Variants in IRAK1BP1 observed in about 807,000 individuals in gnomAD.
IRAK1BP1 encodes interleukin-1 receptor-associated kinase 1-binding protein 1.
In IRAK1BP1, 24 loss-of-function variants were observed where a neutral mutation model predicts 28.0. The ratio of observed to expected loss-of-function variants is 0.86; its 90% CI spans 0.62 to 1.20. The LOEUF is 1.20. IRAK1BP1 is among the 50% of genes most tolerant of loss of function. IRAK1BP1 has a pLI of 0.00. For synonymous variants in IRAK1BP1, 131 were observed against 116.3 expected, an observed-to-expected ratio of 1.13 and a Z score of -0.81; for missense variants, 336 against 316.7, an observed-to-expected ratio of 1.06 and a Z score of -0.46.
chr6:78,941,212 G>C, intron 4 of IRAK1BP1: 3 of 1,613,700 alleles, frequency 1.9e-6, no homozygotes, highest in Non-Finnish European at 2.5e-6. Context: ...CACCACTATT[G>C]GTATTAACTT....
chr6:78,935,852 T>G (rs1025752376), intron 4 of IRAK1BP1: 5 of 549,698 alleles, frequency 9.1e-6, no homozygotes, highest in Non-Finnish European at 1.2e-5. Context: ...TAATAAATCA[T>G]GAGGCTCTAC....
chr6:78,906,934 T>A (rs867378197), downstream of IRAK1BP1, among the ~76,000 whole-genome samples: 1 of 152,202 alleles, frequency 6.6e-6, no homozygotes, highest in Non-Finnish European at 1.5e-5. Context: ...TGAAAGATGG[T>A]GGCTATTTTT....
At chr6:78,885,240 G>C in intron 1 of IRAK1BP1, 138 bp from the exon 2 acceptor site, 1 of 531,914 alleles carries the variant, frequency 1.9e-6, no homozygotes, top group East Asian at 3.3e-5. Flanking sequence ...TTTTAGGAAA[G>C]TTTTAAAACA....
chr6:78,926,909 T>G (rs1215609220), intron 4 of IRAK1BP1, among the ~76,000 whole-genome samples: 2 of 152,158 alleles, frequency 1.3e-5, no homozygotes, highest in Admixed American at 1.3e-4. Context: ...TAGTACTCCA[T>G]TGTGTATATG....
chr6:78,868,130 A>T (rs930459196), intron 1 of IRAK1BP1, among the ~76,000 whole-genome samples: 1 of 152,198 alleles, frequency 6.6e-6, no homozygotes, highest in Non-Finnish European at 1.5e-5. Context: ...AAAGAATGCA[A>T]ATTGGGTAGG....
intron 1 of IRAK1BP1, among the ~76,000 whole-genome samples, chr6:78,873,795 C>T (rs1040125929): frequency 8.5e-5 from 13 of 152,168 alleles, no homozygotes; most frequent in Admixed American, 7.2e-4. Context: ...ACTAATATTT[C>T]CTGGTCTCTT....
intron 4 of IRAK1BP1, among the ~76,000 whole-genome samples, chr6:78,918,903 C>A (rs1772644510): frequency 6.6e-6 from 1 of 152,186 alleles, no homozygotes; most frequent in Admixed American, 6.5e-5. Flanking sequence ...GAATATAGTT[C>A]TTCTCATCTG....
At chr6:78,970,700 T>TA in the IRAK1BP1 span, 2 of 868,378 alleles carry the variant, frequency 2.3e-6, no homozygotes, top group East Asian at 2.5e-5. Flanking sequence ...CTTATTGTGT[T>TA]AATAGTAACC....
chr6:78,963,320 G>T, the IRAK1BP1 span: 1 of 1,259,370 alleles, frequency 7.9e-7, no homozygotes, highest in Non-Finnish European at 1.1e-6. Context: ...GCTTTAGAAT[G>T]TAAAAATAAC....
intron 4 of IRAK1BP1, among the ~76,000 whole-genome samples, chr6:78,930,428 G>A (rs1230490795): frequency 1.3e-5 from 2 of 152,024 alleles, no homozygotes; most frequent in African/African-American, 4.8e-5. Flanking sequence ...TAATAAAAGT[G>A]TTCATTTTTG....
chr6:78,961,705 T>C, the IRAK1BP1 span: 6 of 1,612,260 alleles, frequency 3.7e-6, no homozygotes, highest in African/African-American at 5.3e-5. Flanking sequence ...AAACCTGTTT[T>C]CCAGTCTTTG....
At chr6:78,873,413 AT>A (rs368542842) in intron 1 of IRAK1BP1, among the ~76,000 whole-genome samples, 1 of 150,820 alleles carries the variant, frequency 6.6e-6, no homozygotes, top group South Asian at 2.1e-4. Flanking sequence ...TTTTTTCTGT[AT>A]TTTTTTCTAC....
chr6:78,933,856 G>A (rs1266691498), intron 4 of IRAK1BP1, among the ~76,000 whole-genome samples: 1 of 152,076 alleles, frequency 6.6e-6, no homozygotes, highest in Non-Finnish European at 1.5e-5. Flanking sequence ...TCATTCATAT[G>A]TTCACTGAAG....
At chr6:78,963,128 A>G in the IRAK1BP1 span, 1 of 1,607,380 alleles carries the variant, frequency 6.2e-7, no homozygotes, top group African/African-American at 1.3e-5. Context: ...TTCCTGCCAC[A>G]ATTCTTTCAC....
chr6:78,883,265 T>A (rs961558230), intron 1 of IRAK1BP1, among the ~76,000 whole-genome samples: 2 of 152,098 alleles, frequency 1.3e-5, no homozygotes, highest in African/African-American at 4.8e-5. Flanking sequence ...TGTCAATCAG[T>A]AGTTAAGAAC....
the IRAK1BP1 span, among the ~76,000 whole-genome samples, chr6:78,972,092 AAGAC>A: frequency 2.6e-5 from 4 of 152,070 alleles, no homozygotes; most frequent in Non-Finnish European, 5.9e-5. Flanking sequence ...GACAAACAAA[AAGAC>A]AGCAGTAACC....
chr6:78,894,724 A>G (rs1771816728), intron 2 of IRAK1BP1, among the ~76,000 whole-genome samples: 1 of 152,170 alleles, frequency 6.6e-6, no homozygotes, highest in Non-Finnish European at 1.5e-5. Flanking sequence ...GACCTACTTG[A>G]CATATATAGA....
chr6:78,972,330 A>C, the IRAK1BP1 span, among the ~76,000 whole-genome samples: 537 of 152,312 alleles, frequency 3.5e-3, 30 homozygotes, highest in East Asian at 0.084. Context: ...GTCTGTTAGA[A>C]GGAAAACTAA....
the IRAK1BP1 span, among the ~76,000 whole-genome samples, chr6:78,953,053 A>T: frequency 2.0e-5 from 3 of 150,866 alleles, no homozygotes; most frequent in Non-Finnish European, 4.4e-5. Flanking sequence ...TTTTTTTTTT[A>T]AATCATTAGT....
Sources: gnomAD v4.1 joint callset for allele counts (sites outside exome capture counted in the v4.1 genomes callset) on GRCh38, gnomAD v4.1.1 for gene constraint, MANE v1.5 for transcripts, NCBI Gene and HGNC (gene_info 2026-07-23, HGNC 2026-07-21) for gene names.